Variants in SV2C observed in about 807,000 individuals in gnomAD.
The protein encoded by SV2C is solute carrier family 22 member B3.
In SV2C, 49 loss-of-function variants were observed where a neutral mutation model predicts 79.7. The observed-to-expected ratio is 0.61, with a 90% CI of 0.49 to 0.78. SV2C has a LOEUF of 0.78. Among genes scored for constraint, SV2C ranks in the 30% least tolerant of loss-of-function variants. The pLI is 0.00. For synonymous variants in SV2C, 334 were observed against 333.2 expected, an observed-to-expected ratio of 1.00 and a Z score of -0.03; for missense variants, 833 against 912.9, an observed-to-expected ratio of 0.91 and a Z score of 1.13.
chr5:76,285,698 TG>T (rs1320522705), intron 5 of SV2C, 82 bp from the exon 6 acceptor site: 1 of 1,138,634 alleles, frequency 8.8e-7, no homozygotes, highest in African/African-American at 1.5e-5. Flanking sequence ...TCATTTGATC[TG>T]ACAATGCAAG....
the SV2C span, among the ~76,000 whole-genome samples, chr5:75,924,364 T>A: frequency 2.0e-5 from 3 of 152,236 alleles, no homozygotes; most frequent in East Asian, 5.8e-4. Flanking sequence ...AAAGTACATA[T>A]CCATGTAACC....
chr5:76,049,708 T>C, the SV2C span, among the ~76,000 whole-genome samples: 1 of 152,206 alleles, frequency 6.6e-6, no homozygotes, highest in Non-Finnish European at 1.5e-5. Context: ...GTTTTGGTGT[T>C]TTTATTTTTT....
the SV2C span, among the ~76,000 whole-genome samples, chr5:76,048,254 G>A: frequency 2.0e-5 from 3 of 152,212 alleles, no homozygotes; most frequent in Non-Finnish European, 2.9e-5. Context: ...AGCTGGTGAT[G>A]TAATTCGGTC....
At chr5:75,944,826 T>C in the SV2C span, among the ~76,000 whole-genome samples, 2 of 152,160 alleles carry the variant, frequency 1.3e-5, no homozygotes, top group African/African-American at 4.8e-5. Context: ...CTCCCAGCCC[T>C]GACCCAGGGC....
At chr5:75,915,273 T>C in the SV2C span, among the ~76,000 whole-genome samples, 2 of 152,200 alleles carry the variant, frequency 1.3e-5, no homozygotes, top group Admixed American at 1.3e-4. Context: ...AACCCACATC[T>C]ATTTGGTGCC....
chr5:75,960,937 G>A, the SV2C span, among the ~76,000 whole-genome samples: 1 of 151,902 alleles, frequency 6.6e-6, no homozygotes, highest in Non-Finnish European at 1.5e-5. Context: ...GCCAAATTTA[G>A]TGGGCTGTTC....
chr5:76,276,553 C>G (rs1747027556), intron 4 of SV2C, among the ~76,000 whole-genome samples: 1 of 152,080 alleles, frequency 6.6e-6, no homozygotes, highest in South Asian at 2.1e-4. Context: ...GTCTCGAACT[C>G]CTGACCTCAG....
chr5:75,939,731 C>T, the SV2C span, among the ~76,000 whole-genome samples: 47 of 152,282 alleles, frequency 3.1e-4, no homozygotes, highest in Admixed American at 9.8e-4. Context: ...ACTTGAAATG[C>T]AGTTGACTCC....
the SV2C span, among the ~76,000 whole-genome samples, chr5:75,851,011 C>T: frequency 0.083 from 12,639 of 152,158 alleles, 588 homozygotes; most frequent in African/African-American, 0.11. Context: ...TTTTTGCTCT[C>T]CCCTACTCCC....
chr5:76,113,051 C>A lies in SV2C; in HGVS notation c.-101-18599C>A, dbSNP rs187299208. Among the ~76,000 whole-genome samples the A allele has an allele frequency of 1.4e-3, 218 of 152,306 alleles. 1 individual carries two copies. Among genetic ancestry groups the A allele is most frequent in the African/African-American group, 4.8e-3 (198 of 41,562 alleles). On this transcript the variant is annotated intron_variant, in intron 1 of 12. Coordinates refer to ENST00000502798, the MANE Select transcript of SV2C (RefSeq NM_014979.4). ...TTATTTTTGTTCGTTTTGCATCTAG[C>A]ACAAGTATAAGTTTGCAAAAGCCTC... is the stretch of plus-strand genomic sequence containing the variant.
the SV2C span, among the ~76,000 whole-genome samples, chr5:75,900,272 C>A: frequency 6.2e-4 from 94 of 152,310 alleles, no homozygotes; most frequent in Non-Finnish European, 9.7e-4. Context: ...GTGACAAAAT[C>A]TCTCAGCATT....
At chr5:75,953,146 G>T in the SV2C span, among the ~76,000 whole-genome samples, 8 of 152,022 alleles carry the variant, frequency 5.3e-5, no homozygotes, top group African/African-American at 1.2e-4. Flanking sequence ...TGTACAGACA[G>T]CATATGGTGA....
chr5:76,026,846 G>A, the SV2C span, among the ~76,000 whole-genome samples: 1 of 152,226 alleles, frequency 6.6e-6, no homozygotes, highest in South Asian at 2.1e-4. Context: ...ATGGCGCTGG[G>A]GAAGTGGGAG....
At chr5:75,893,293 T>A in the SV2C span, among the ~76,000 whole-genome samples, 3 of 152,110 alleles carry the variant, frequency 2.0e-5, no homozygotes, top group Non-Finnish European at 4.4e-5. Context: ...CTTGTTGATT[T>A]TTTTAAGATC....
rs1364832954 is a variant in SV2C at position 76,344,294 on chromosome 5, T to C, written c.2001-8836T>C. Reference sequence around the variant, plus strand: ...CTTGATTTGTTACAAAAGAAATACATCCCTATGGGAAAGAGACACTCTCTT... The same window carrying C: ...CTTGATTTGTTACAAAAGAAATACACCCCTATGGGAAAGAGACACTCTCTT... On this transcript the variant is annotated intron_variant, in intron 12 of 12. Coordinates refer to the SV2C transcript ENST00000322285. Among the ~76,000 whole-genome samples, 9 of 152,338 alleles carry C rather than the reference T, an allele frequency of 5.9e-5. No individual in the cohort carries two copies. In the East Asian group the frequency reaches 1.7e-3, roughly 29 times the overall value.
At chr5:75,912,761 G>C in the SV2C span, among the ~76,000 whole-genome samples, 2 of 152,212 alleles carry the variant, frequency 1.3e-5, no homozygotes, top group East Asian at 3.9e-4. Flanking sequence ...TAGAGGAGAG[G>C]AAACAAACCA....
chr5:75,972,112 T>A, the SV2C span, among the ~76,000 whole-genome samples: 2 of 152,150 alleles, frequency 1.3e-5, no homozygotes, highest in South Asian at 2.1e-4. Context: ...CTGGGAAAAC[T>A]GGCTAGCCAT....
chr5:75,981,974 C>G, the SV2C span, among the ~76,000 whole-genome samples: 438 of 150,966 alleles, frequency 2.9e-3, 1 homozygote, highest in African/African-American at 0.01. Context: ...ATACATCTGA[C>G]AAGGGTCTAA....
the SV2C span, among the ~76,000 whole-genome samples, chr5:75,964,897 A>T: frequency 1.3e-5 from 2 of 152,292 alleles, no homozygotes; most frequent in Non-Finnish European, 2.9e-5. Context: ...AATTACAGCA[A>T]TTTTTTAAAC....
Sources: allele counts gnomAD v4.1 joint callset (sites outside exome capture counted in the v4.1 genomes callset), GRCh38; gene constraint gnomAD v4.1.1; transcripts MANE v1.5; gene names NCBI Gene and HGNC (gene_info 2026-07-23, HGNC 2026-07-21).